HMGN3: variants seen among roughly 807,000 people sequenced by gnomAD.
HMGN3 encodes the protein high mobility group nucleosomal binding domain 3, also known as high mobility group nucleosome-binding domain-containing protein 3.
Under a neutral mutation model 18.8 loss-of-function variants are expected in HMGN3, and 6 were observed. The ratio of observed to expected loss-of-function variants is 0.32; its 90% CI spans 0.18 to 0.63. The LOEUF (loss-of-function observed/expected upper bound fraction) is 0.63, where lower values mean the gene tolerates loss of function less well. Among genes scored for constraint, HMGN3 ranks in the 30% least tolerant of loss-of-function variants. HMGN3 has a pLI of 0.79. For missense variants in HMGN3, 107 were observed against 114.2 expected, an observed-to-expected ratio of 0.94 and a Z score of 0.29; for synonymous variants, 40 against 36.5, an observed-to-expected ratio of 1.10 and a Z score of -0.35.
intron 3 of HMGN3, among the ~76,000 whole-genome samples, chr6:79,208,002 A>C (rs911792289): frequency 4.6e-5 from 7 of 152,222 alleles, no homozygotes; most frequent in African/African-American, 1.7e-4. Context: ...TGTCCACCTC[A>C]GAGGCTCAGC....
At chr6:79,218,597 C>T (rs1403171221) in intron 1 of HMGN3, among the ~76,000 whole-genome samples, 1 of 151,928 alleles carries the variant, frequency 6.6e-6, no homozygotes, top group African/African-American at 2.4e-5. Flanking sequence ...AATACAAATA[C>T]AAGAAAAGTC....
rs146348548 is a variant in HMGN3 at position 79,223,231 on chromosome 6, G to A, written c.16-8209C>T. 1.1e-4 allele frequency among the ~76,000 whole-genome samples: 17 copies of A among 152,250 alleles called. 1 individual carries two copies. The East Asian group carries it at 3.3e-3, about 29-fold the overall frequency. ...CGTCTCTACTAAAAATACACACAAGGCTAGGTACAGTGGCTCAGGCCTATA... is the reference window on the plus strand; with the variant it reads ...CGTCTCTACTAAAAATACACACAAGACTAGGTACAGTGGCTCAGGCCTATA... On this transcript the variant is annotated intron_variant, in intron 1 of 5. Coordinates refer to ENST00000344726, the Ensembl canonical transcript of HMGN3.
At chr6:79,218,807 T>C (rs1777123214) in intron 1 of HMGN3, among the ~76,000 whole-genome samples, 1 of 152,206 alleles carries the variant, frequency 6.6e-6, no homozygotes, top group African/African-American at 2.4e-5. Context: ...TATTAAAATG[T>C]TTTTGATTCA....
intron 1 of HMGN3, among the ~76,000 whole-genome samples, chr6:79,221,434 A>T (rs1777279017): frequency 1.3e-5 from 2 of 152,218 alleles, no homozygotes; most frequent in South Asian, 4.1e-4. Flanking sequence ...TACTGAAGGG[A>T]TCAGAACTGT....
rs753432741 is a variant in HMGN3, at chr6:79,203,544, T to C, written c.147+36A>G. The C allele has an allele frequency of 8.9e-6, 14 of 1,564,986 alleles. No homozygotes were observed. In the South Asian group the frequency reaches 1.4e-4, roughly 15 times the overall value. ...GTAGGGAATTATAATTTATTCATTG[T>C]TTAAAAAGCCAAAAGTGGGAAACAG... On this transcript the variant is annotated intron_variant, in intron 4 of 5. Coordinates refer to ENST00000344726, the Ensembl canonical transcript of HMGN3.
At chr6:79,203,771 A>T in intron 3 of HMGN3, 141 bp from the exon 4 acceptor site, 1 of 674,788 alleles carries the variant, frequency 1.5e-6, no homozygotes. Context: ...TCCTATTTTC[A>T]GCACCAGGTA....
At chr6:79,230,877 T>C (rs780259203) in intron 1 of HMGN3, among the ~76,000 whole-genome samples, 5 of 152,234 alleles carry the variant, frequency 3.3e-5, no homozygotes, top group Non-Finnish European at 5.9e-5. Context: ...ACAAGTAATA[T>C]TCTTTTCAAA....
At chr6:79,229,613 C>A (rs952912698) in intron 1 of HMGN3, among the ~76,000 whole-genome samples, 1 of 152,162 alleles carries the variant, frequency 6.6e-6, no homozygotes, top group Admixed American at 6.5e-5. Flanking sequence ...CGCCGTGGCT[C>A]ACACCTGTAA....
chr6:79,225,757 T>C (rs1777536380), intron 1 of HMGN3, among the ~76,000 whole-genome samples: 4 of 152,222 alleles, frequency 2.6e-5, no homozygotes, highest in Admixed American at 2.6e-4. Flanking sequence ...TGCATATGTG[T>C]ATCTTGTCTA....
intron 4 of HMGN3, among the ~76,000 whole-genome samples, chr6:79,202,843 G>C (rs1342221433): frequency 6.6e-6 from 1 of 152,140 alleles, no homozygotes; most frequent in Non-Finnish European, 1.5e-5. Flanking sequence ...AAGCTGGGAA[G>C]GTGCAGGGAA....
intron 3 of HMGN3, among the ~76,000 whole-genome samples, chr6:79,204,597 T>A (rs1053028802): frequency 6.6e-6 from 1 of 152,170 alleles, no homozygotes; most frequent in Non-Finnish European, 1.5e-5. Context: ...GAAGAATGGT[T>A]TTAAAATAGA....
chr6:79,209,810 A>G (rs1314947105), intron 2 of HMGN3, among the ~76,000 whole-genome samples: 2 of 152,228 alleles, frequency 1.3e-5, no homozygotes, highest in Admixed American at 6.5e-5. Flanking sequence ...TAGCCAGAGA[A>G]GCTAAACTCA....
At chr6:79,222,836 T>C (rs768650912) in intron 1 of HMGN3, among the ~76,000 whole-genome samples, 8 of 152,190 alleles carry the variant, frequency 5.3e-5, no homozygotes, top group African/African-American at 1.2e-4. Context: ...CAGGCTACTA[T>C]GTCTTTTGTA....
intron 2 of HMGN3, among the ~76,000 whole-genome samples, chr6:79,214,701 C>A (rs570982346): frequency 5.3e-5 from 8 of 152,294 alleles, no homozygotes; most frequent in Admixed American, 4.6e-4. Flanking sequence ...TCAGTATCTG[C>A]TTTAACAGAA....
chr6:79,201,750 AAC>A, intron 5 of HMGN3, 24 bp from the exon 7 acceptor site: 3 of 1,606,934 alleles, frequency 1.9e-6, no homozygotes, highest in Non-Finnish European at 2.6e-6. Context: ...AGGAAAAAAA[AAC>A]ATATAGTTAC....
exon 1 of HMGN3, chr6:79,234,659 G>T: frequency 8.1e-7 from 1 of 1,239,290 alleles, no homozygotes; most frequent in Non-Finnish European, 1.2e-6. Context: ...TCACGCGCAG[G>T]GCACGACGTA....
chr6:79,208,154 A>T (rs1214397738), intron 3 of HMGN3, among the ~76,000 whole-genome samples: 3 of 152,238 alleles, frequency 2.0e-5, no homozygotes, highest in African/African-American at 7.2e-5. Context: ...ATGGACTCAG[A>T]CAACTTTCAG....
chr6:79,227,460 G>C (rs1562003609), intron 1 of HMGN3, among the ~76,000 whole-genome samples: 1 of 152,158 alleles, frequency 6.6e-6, no homozygotes, highest in South Asian at 2.1e-4. Flanking sequence ...TGGAGGCCTA[G>C]TGCTTGTTAG....
chr6:79,221,755 G>A (rs150387709), intron 1 of HMGN3, among the ~76,000 whole-genome samples: 46 of 152,292 alleles, frequency 3.0e-4, no homozygotes, highest in African/African-American at 9.1e-4. Flanking sequence ...GAGGCAGGAG[G>A]CAGAGAAGTT....
Sources: gnomAD v4.1 joint callset for allele counts (sites outside exome capture counted in the v4.1 genomes callset) on GRCh38, gnomAD v4.1.1 for gene constraint, MANE v1.5 for transcripts, NCBI Gene and HGNC (gene_info 2026-07-23, HGNC 2026-07-21) for gene names.